Variants in MYH1 observed in about 807,000 individuals in gnomAD.
The protein encoded by MYH1 is myosin heavy chain 1.
Under a neutral mutation model 225.6 loss-of-function variants are expected in MYH1, and 214 were observed. The ratio of observed to expected loss-of-function variants is 0.95; its 90% CI spans 0.85 to 1.06. The LOEUF (loss-of-function observed/expected upper bound fraction) is 1.06. Among genes scored for constraint, MYH1 ranks in the 50% least tolerant of loss-of-function variants. The pLI, the probability that MYH1 is intolerant of heterozygous loss-of-function variation, is 0.00. For synonymous variants in MYH1, 774 were observed against 842.3 expected (o/e 0.92, Z 1.40); for missense variants, 2,098 against 2,344.2 (o/e 0.89, Z 2.17).
Position 10,492,445 on chromosome 17 carries a change from C to A in MYH1, c.5791G>T (p.Val1931Phe). The A allele has an allele frequency of 6.2e-7, 1 of 1,614,034 alleles. No individual in the cohort carries two copies. The highest frequency in any genetic ancestry group is 2.2e-5 in the East Asian group (1 of 44,864). Residue 1931 changes from valine (V) to phenylalanine (F), a missense_variant, in exon 40 of 40, where the codon GTT becomes TTT. Val to Phe is a conservative substitution (Grantham distance 50). Coordinates refer to ENST00000226207, the MANE Select transcript of MYH1 (RefSeq NM_005963.4). The stretch of plus-strand genomic sequence containing the variant: ...TCTTCACTTATGATTTTTGTGTGAA[C>A]CTCCCTGCTCTTCACCCTCAGCTTG... ...VNKLRVKSRE[V>F]HTKIISEE
chr17:10,513,596 G>A (rs2073193758), intron 9 of MYH1, 30 bp downstream of exon 9: 1 of 1,602,616 alleles, frequency 6.2e-7, no homozygotes, highest in Non-Finnish European at 8.5e-7. Flanking sequence ...TGTCATTCTT[G>A]GATTCTATTT....
In MYH1 at chr17:10,506,077, G is replaced by A. The variant is rs200937599; in HGVS notation, c.1991C>T (p.Thr664Ile). ...LFRENLNKLM[T>I]NLRSTHPHFV... ...GTGGGGGTGAGTGCTCCTCAAGTTG[G>A]TCATCAGCTTATTCAAATTCTCCTG... Residue 664 changes from threonine to isoleucine, a missense_variant, in exon 18 of 40, where the codon ACC becomes ATC. Transcript: ENST00000226207. The A allele has an allele frequency of 5.3e-5, 85 of 1,614,180 alleles. 1 individual carries two copies. In the South Asian group the frequency reaches 8.6e-4, roughly 16 times the overall value.
In MYH1 at chr17:10,499,061, G is replaced by A. The variant is rs1472729289; in HGVS notation, c.3897C>T (p.Asp1299=). Residue 1299 remains aspartate (D), a synonymous_variant, in exon 29 of 40, where the codon GAC becomes GAT. Coordinates refer to ENST00000226207, the MANE Select transcript of MYH1 (RefSeq NM_005963.4). ...GEYSRQLDEK[D]TLVSQLSRGK... ...CCCTCGAGAGCTGTGAAACTAGTGT[G>A]TCCTTTTCATCTAGCTGGCGTGAAT... 1 of 1,613,856 alleles carries A rather than the reference G, an allele frequency of 6.2e-7. No individual in the cohort carries two copies. Among genetic ancestry groups the A allele is most frequent in the African/African-American group, 1.3e-5 (1 of 74,914 alleles).
chr17:10,513,706 AT>A lies in MYH1; in HGVS notation c.742-18del. On this transcript the variant is annotated intron_variant, in intron 8 of 39. Transcript: ENST00000226207. ...GAATTTACCCTTGTAAGTAAAAAAA[AT>A]GATGTTATACCCAAAGCTTGAAGTA... is the stretch of plus-strand genomic sequence containing the variant. 2.5e-6 allele frequency: 4 copies of A among 1,613,762 alleles called. No individual in the cohort carries two copies. The highest frequency in any genetic ancestry group is 3.4e-6 in the Non-Finnish European group (4 of 1,179,636).
chr17:10,494,377 A>G lies in MYH1; in HGVS notation c.5644T>C (p.Tyr1882His), dbSNP rs985077861. The G allele has an allele frequency of 6.2e-7, 1 of 1,614,162 alleles. No homozygotes were observed. The highest frequency in any genetic ancestry group is 8.5e-7 in the Non-Finnish European group (1 of 1,180,036). ...VDKLQAKVKS[Y>H]KRQAEEAEEQ... ...ACCGCTTCTTCAGCTTGTCTCTTGT[A>G]GGATTTCACCTTTGCTTGCAGTTTG... The change falls in exon 39 of 40, where the codon TAC becomes CAC. Residue 1882 changes from tyrosine (Y) to histidine (H), a missense_variant. Transcript: ENST00000226207.
At chr17:10,497,506 A>T in intron 31 of MYH1, 54 bp from the exon 32 acceptor site, 1 of 1,568,142 alleles carries the variant, frequency 6.4e-7, no homozygotes, top group Non-Finnish European at 8.6e-7. Flanking sequence ...GATGAGATAA[A>T]AACCATCTAT....
At chr17:10,497,484 T>G in intron 31 of MYH1, 32 bp from the exon 32 acceptor site, 1 of 1,584,742 alleles carries the variant, frequency 6.3e-7, no homozygotes, top group Middle Eastern at 2.1e-4. Context: ...AGAAATTTAG[T>G]GGACAAAATT....
chr17:10,497,163 G>A lies in MYH1; in HGVS notation c.4562C>T (p.Ala1521Val), dbSNP rs756803560. 2 of 1,613,890 alleles carry A rather than the reference G, an allele frequency of 1.2e-6. No homozygotes were observed. Among genetic ancestry groups the A allele is most frequent in the East Asian group, 2.2e-5 (1 of 44,868 alleles). Residue 1521 changes from alanine (A) to valine (V), a missense_variant, in exon 33 of 40, where the codon GCA (alanine) becomes GTA (valine). Physicochemically the swap from Ala to Val is moderately conservative, Grantham distance 64 (BLOSUM62 0). Transcript: ENST00000226207. ...TTCATGGATGCGCTTTCCTCCTTCT[G>A]CAATCTGTTCAGTGAGATCAGAAAT... ...QEISDLTEQI[A>V]EGGKRIHELE...
Position 10,506,237 on chromosome 17 carries a change from C to T in MYH1, c.1969-138G>A, listed in dbSNP as rs567881350. 1.2e-3 allele frequency: 1,389 copies of T among 1,123,124 alleles called. 2 individuals carry two copies. The highest frequency in any genetic ancestry group is 1.6e-3 in the Non-Finnish European group (1,233 of 794,832). The allele number at this position is 1,123,124 out of a possible 1,614,324, so 69.6% of individuals were successfully genotyped here. A position where few individuals can be genotyped will look rare whatever the true frequency, so the allele number is the denominator to read the frequency against. ...CAGATGAAAATTTTCAAAGAGTTAT[C>T]TCTGGAATTTCCACATTCCTAATAT... On this transcript the variant is annotated intron_variant, in intron 17 of 39. Transcript: ENST00000226207.
chr17:10,502,827 G>T lies in MYH1; in HGVS notation c.3022C>A (p.Gln1008Lys). The T allele has an allele frequency of 6.2e-7, 1 of 1,614,030 alleles. No homozygotes were observed. The highest frequency in any genetic ancestry group is 8.5e-7 in the Non-Finnish European group (1 of 1,180,014). ...GCCTGCAGGTCATCCAGGGTCTGCT[G>T]GTGGGCCTCCTGGAGAGCCTTCTTC... ...KEKKALQEAH[Q>K]QTLDDLQAEE... Residue 1008 changes from glutamine to lysine, a missense_variant, in exon 24 of 40, where the codon CAG (glutamine) becomes AAG (lysine). Coordinates refer to ENST00000226207, the MANE Select transcript of MYH1 (RefSeq NM_005963.4).
In MYH1 at chr17:10,497,073, G is replaced by C; in HGVS notation, c.4652C>G (p.Ala1551Gly). Residue 1551 changes from alanine (A) to glycine (G), a missense_variant, in exon 33 of 40, where the codon GCA becomes GGA. Physicochemically the swap from Ala to Gly is moderately conservative, Grantham distance 60. Transcript: ENST00000226207. ...KSELQAALEEAEASLEHEEGK... is the reference protein window; with the variant it reads ...KSELQAALEEGEASLEHEEGK... ...AGTATGCAATAAAATGCTTACCTCT[G>C]CCTCCTCTAAGGCAGCCTGAAGTTC... The C allele has an allele frequency of 6.2e-7, 1 of 1,613,460 alleles. No individual in the cohort carries two copies. Among genetic ancestry groups the C allele is most frequent in the South Asian group, 1.1e-5 (1 of 90,972 alleles).
chr17:10,499,124 T>G, intron 28 of MYH1, 32 bp from the exon 29 acceptor site: 1 of 1,556,204 alleles, frequency 6.4e-7, no homozygotes, highest in African/African-American at 1.4e-5. Flanking sequence ...AAACTCAACC[T>G]TACTTTGGAA....
At position 10,509,572 on chromosome 17, in the gene MYH1, C is replaced by T. The variant is rs755008053; in HGVS notation, c.1500G>A (p.Glu500=). Residue 500 remains glutamate, a synonymous_variant, in exon 15 of 40, where the codon GAG becomes GAA. Transcript: ENST00000226207. ...QFFNHHMFVL[E]QEEYKKEGIE... ...TGCCTTCCTTCTTGTACTCCTCCTGCTCCAGCACGAACATGTGGTGGTTGA... is the reference window on the plus strand; with the variant it reads ...TGCCTTCCTTCTTGTACTCCTCCTGTTCCAGCACGAACATGTGGTGGTTGA... 4 of 1,614,100 alleles carry T rather than the reference C, an allele frequency of 2.5e-6. No individual in the cohort carries two copies. In the South Asian group the frequency reaches 4.4e-5, roughly 18 times the overall value.
In MYH1 at chr17:10,509,563, C is replaced by T. The variant is rs376996813; in HGVS notation, c.1509G>A (p.Glu503=). The change falls in exon 15 of 40, where the codon GAG becomes GAA. Residue 503 remains glutamate, a synonymous_variant. Transcript: ENST00000226207. Reference sequence around the variant, plus strand: ...TCCACTCAATGCCTTCCTTCTTGTACTCCTCCTGCTCCAGCACGAACATGT... The same window carrying T: ...TCCACTCAATGCCTTCCTTCTTGTATTCCTCCTGCTCCAGCACGAACATGT... ...NHHMFVLEQE[E]YKKEGIEWTF... The T allele has an allele frequency of 1.2e-6, 2 of 1,614,090 alleles. No individual in the cohort carries two copies. Among genetic ancestry groups the T allele is most frequent in the African/African-American group, 2.7e-5 (2 of 74,930 alleles).
Position 10,501,594 on chromosome 17 carries a change from T to C in MYH1, c.3348A>G (p.Gln1116=). 1 of 1,614,230 alleles carries C rather than the reference T, an allele frequency of 6.2e-7. No individual in the cohort carries two copies. The highest frequency in any genetic ancestry group is 1.1e-5 in the South Asian group (1 of 91,078). ...MQLQKKIKEL[Q]ARIEELEEEI... The stretch of plus-strand genomic sequence containing the variant: ...GCCTGGCGAAAATCATTTAACGTAC[T>C]TGTAACTCCTTGATTTTCTTCTGCA... The change falls in exon 26 of 40, where the codon CAA becomes CAG. Residue 1116 remains glutamine (Q), a splice_region_variant and synonymous_variant. Transcript: ENST00000226207.
intron 39 of MYH1, among the ~76,000 whole-genome samples, chr17:10,493,309 G>T (rs867958997): frequency 3.3e-5 from 5 of 152,120 alleles, no homozygotes; most frequent in African/African-American, 7.2e-5. Flanking sequence ...GTGTGTGTCC[G>T]TGCACACAAG....
rs2073137961 is a variant in MYH1, at chr17:10,508,448, C to T, written c.1812G>A (p.Leu604=). The part of the protein sequence containing the change: ...AGWLDKNKDP[L]NETVVGLYQK... ...GGTACAGCCCCACCACAGTCTCATT[C>T]AGGGGGTCCTTGTTCTTGTCAAGCC... The change falls in exon 16 of 40, where the codon CTG becomes CTA. Residue 604 remains leucine (L), a synonymous_variant. Transcript: ENST00000226207. 1.9e-6 allele frequency: 3 copies of T among 1,614,092 alleles called. No individual in the cohort carries two copies. The African/African-American group carries it at 4.0e-5, about 22-fold the overall frequency.
chr17:10,500,918 A>T (rs1455611659), intron 27 of MYH1, among the ~76,000 whole-genome samples, 166 bp from the exon 28 acceptor site: 2 of 152,218 alleles, frequency 1.3e-5, no homozygotes, highest in Non-Finnish European at 2.9e-5. Flanking sequence ...GGAAAGACTA[A>T]TAAGATACAT....
chr17:10,501,106 G>A lies in MYH1; in HGVS notation c.3738+4C>T. ...AAATAATCAATGTGAAGTGTTGATT[G>A]TACCTTGGCTTTGGAGACAGTCTCC... On this transcript the variant is annotated splice_donor_region_variant and intron_variant, in intron 27 of 39. Coordinates refer to ENST00000226207, the MANE Select transcript of MYH1 (RefSeq NM_005963.4). The A allele has an allele frequency of 6.2e-7, 1 of 1,613,510 alleles. No individual in the cohort carries two copies.
Sources: allele counts gnomAD v4.1 joint callset (sites outside exome capture counted in the v4.1 genomes callset), GRCh38; gene constraint gnomAD v4.1.1; transcripts MANE v1.5; gene names NCBI Gene and HGNC (gene_info 2026-07-23, HGNC 2026-07-21).